Variants in ATP10D observed in about 807,000 individuals in gnomAD.
ATP10D encodes phospholipid-transporting ATPase VD.
ATP10D carries 89 observed loss-of-function variants against 144.8 expected under a neutral mutation model. That is an observed-to-expected ratio of 0.61 (90% CI 0.52 to 0.73). The LOEUF (loss-of-function observed/expected upper bound fraction) is 0.73, where lower values mean the gene tolerates loss of function less well. Ranked by LOEUF, ATP10D falls within the 30% of genes least tolerant of loss-of-function variation. ATP10D has a pLI of 0.00. For synonymous variants in ATP10D, 571 were observed against 615.1 expected, an observed-to-expected ratio of 0.93 and a Z score of 1.06; for missense variants, 1,603 against 1,714.8, an observed-to-expected ratio of 0.93 and a Z score of 1.15.
Position 47,593,382 on chromosome 4 carries a change from T to TA in ATP10D, c.*2002dup, listed in dbSNP as rs1721127806. On this transcript the variant is annotated 3_prime_UTR_variant, in exon 23 of 23. Transcript: ENST00000273859. Reference sequence around the variant, plus strand: ...ACTTTGCTTAATGTAATCATTCATATACTTTGCTACAAAAATATTAATATA... The same window carrying TA: ...ACTTTGCTTAATGTAATCATTCATATAACTTTGCTACAAAAATATTAATATA... 2.0e-5 allele frequency: 3 copies of TA among 152,140 alleles called. No individual in the cohort carries two copies. The highest frequency in any genetic ancestry group is 7.2e-5 in the African/African-American group (3 of 41,448). 9.4% of individuals were successfully genotyped at this position (152,140 alleles called of 1,614,324 possible).
In ATP10D at chr4:47,557,915, C is replaced by G. The variant is rs775609445; in HGVS notation, c.2076C>G (p.Cys692Trp). 1 of 1,614,146 alleles carries G rather than the reference C, an allele frequency of 6.2e-7. No homozygotes were observed. Among genetic ancestry groups the G allele is most frequent in the South Asian group, 1.1e-5 (1 of 91,082 alleles). Residue 692 changes from cysteine to tryptophan, a missense_variant, in exon 12 of 23, where the codon TGC becomes TGG. By Grantham distance (215) the Cys-to-Trp change is radical (BLOSUM62 -2). Transcript: ENST00000273859. ...AGTGCTCCAGTAGCTCAGCTTGCTG[C>G]ACAGAAACAGAGAAACAACACGGTG... ...SPQCSSSSAC[C>W]TETEKQHGDA...
At chr4:47,575,116 C>T (rs997476773) in intron 18 of ATP10D, among the ~76,000 whole-genome samples, 2 of 151,976 alleles carry the variant, frequency 1.3e-5, no homozygotes, top group South Asian at 2.1e-4. Flanking sequence ...TGCATCCGGC[C>T]GATGATGACC....
chr4:47,539,591 T>C (rs1379795405), intron 9 of ATP10D, among the ~76,000 whole-genome samples: 1 of 152,224 alleles, frequency 6.6e-6, no homozygotes, highest in Admixed American at 6.5e-5. Context: ...GATTTTACTT[T>C]TATAACCATT....
chr4:47,519,428 C>T (rs7675962), intron 3 of ATP10D, among the ~76,000 whole-genome samples: 58,931 of 152,070 alleles, frequency 0.39, 11,962 homozygotes, highest in East Asian at 0.81. Context: ...AAGCACAAAC[C>T]ACCAAGGAGA....
chr4:47,505,179 T>C (rs978803242), intron 1 of ATP10D, among the ~76,000 whole-genome samples: 2 of 152,260 alleles, frequency 1.3e-5, no homozygotes, highest in Non-Finnish European at 2.9e-5. Context: ...TTGTATCCGC[T>C]GTCAAGCCAT....
chr4:47,519,557 A>G (rs1380022497), intron 3 of ATP10D, among the ~76,000 whole-genome samples: 1 of 152,212 alleles, frequency 6.6e-6, no homozygotes, highest in Non-Finnish European at 1.5e-5. Context: ...CAACACTGTA[A>G]ATGTTCCAGG....
At chr4:47,501,500 C>T (rs1715678732) in intron 1 of ATP10D, among the ~76,000 whole-genome samples, 1 of 152,172 alleles carries the variant, frequency 6.6e-6, no homozygotes, top group Admixed American at 6.5e-5. Flanking sequence ...TTTAATACCA[C>T]TCTTCTCCTA....
chr4:47,589,637 A>G (rs1033459303), intron 22 of ATP10D, among the ~76,000 whole-genome samples: 1 of 152,124 alleles, frequency 6.6e-6, no homozygotes, highest in Admixed American at 6.6e-5. Flanking sequence ...TTTCCAATAC[A>G]TAGGCACTTA....
intron 15 of ATP10D, among the ~76,000 whole-genome samples, chr4:47,565,079 C>A (rs551474980): frequency 1.1e-3 from 174 of 152,366 alleles, no homozygotes; most frequent in African/African-American, 4.0e-3. Context: ...CTGCCTCAGC[C>A]TCCCGAGTAG....
chr4:47,491,520 T>C, intron 1 of ATP10D: 1 of 546,588 alleles, frequency 1.8e-6, no homozygotes, highest in South Asian at 1.9e-5. Context: ...ATAAATCTTA[T>C]AAATGTCTGT....
Position 47,557,896 on chromosome 4 carries a change from C to T in ATP10D, c.2057C>T (p.Ser686Phe), listed in dbSNP as rs771352321. 23 of 1,614,182 alleles carry T rather than the reference C, an allele frequency of 1.4e-5. No individual in the cohort carries two copies. The Admixed American group carries it at 3.7e-4, about 26-fold the overall frequency. The change falls in exon 12 of 23, where the codon TCC becomes TTC. Residue 686 changes from serine (S) to phenylalanine (F), a missense_variant. Transcript: ENST00000273859. ...VSQVCESPQC[S>F]SSSACCTETE... ...CAGGTGTGTGAGAGCCCCCAGTGCT[C>T]CAGTAGCTCAGCTTGCTGCACAGAA...
intron 5 of ATP10D, among the ~76,000 whole-genome samples, chr4:47,528,505 GTGTGTGTGTA>G (rs1311193500): frequency 1.9e-4 from 5 of 26,126 alleles, no homozygotes; most frequent in African/African-American, 7.1e-4. Context: ...GTGTGTGTGT[GTGTGTGTGTA>G]TATATATATA....
chr4:47,496,095 A>G (rs966661627), intron 1 of ATP10D, among the ~76,000 whole-genome samples: 1 of 151,684 alleles, frequency 6.6e-6, no homozygotes, highest in Admixed American at 6.6e-5. Flanking sequence ...TAACACAATT[A>G]GATATAATGC....
intron 1 of ATP10D, among the ~76,000 whole-genome samples, chr4:47,507,105 A>G (rs1279516867): frequency 6.6e-6 from 1 of 152,218 alleles, no homozygotes; most frequent in African/African-American, 2.4e-5. Context: ...TTAAGAAATT[A>G]AACATAGATG....
At chr4:47,493,774 A>G (rs1389749609) in intron 1 of ATP10D, among the ~76,000 whole-genome samples, 2 of 152,116 alleles carry the variant, frequency 1.3e-5, no homozygotes, top group African/African-American at 2.4e-5. Flanking sequence ...AATCAGAGAA[A>G]CTGGTGTGAT....
At position 47,591,102 on chromosome 4, in the gene ATP10D, C is replaced by A. The variant is rs1351758401; in HGVS notation, c.4002C>A (p.His1334Gln). Residue 1334 changes from histidine (H) to glutamine (Q), a missense_variant, in exon 23 of 23, where the codon CAC (histidine) becomes CAA (glutamine). Coordinates refer to ENST00000273859, the MANE Select transcript of ATP10D (RefSeq NM_020453.4). ...LFPSPILRAKHFDRLTPEERT... is the reference protein window; with the variant it reads ...LFPSPILRAKQFDRLTPEERT... ...CATCTCCAATTCTGAGAGCTAAGCA[C>A]TTTGACAGACTAACTCCAGAGGAGA... 6.2e-7 allele frequency: 1 copy of A among 1,613,008 alleles called. No individual in the cohort carries two copies. Among genetic ancestry groups the A allele is most frequent in the African/African-American group, 1.3e-5 (1 of 74,800 alleles).
chr4:47,565,635 G>T (rs916967348), intron 15 of ATP10D, among the ~76,000 whole-genome samples: 1 of 151,890 alleles, frequency 6.6e-6, no homozygotes, highest in South Asian at 2.1e-4. Flanking sequence ...TGTTTAATGC[G>T]GTGCCTATCA....
chr4:47,573,146 A>G, intron 18 of ATP10D, 149 bp downstream of exon 18: 1 of 1,013,960 alleles, frequency 9.9e-7, no homozygotes, highest in Non-Finnish European at 1.4e-6. Context: ...TCTTTCCAGA[A>G]CTAAGCTGGG....
chr4:47,512,598 A>C lies in ATP10D; in HGVS notation c.58A>C (p.Thr20Pro). 6.2e-7 allele frequency: 1 copy of C among 1,614,144 alleles called. No individual in the cohort carries two copies. Among genetic ancestry groups the C allele is most frequent in the Non-Finnish European group, 8.5e-7 (1 of 1,180,004 alleles). Residue 20 changes from threonine (T) to proline (P), a missense_variant, in exon 2 of 23, where the codon ACC becomes CCC. Thr to Pro is a conservative substitution (Grantham distance 38). Coordinates refer to ENST00000273859, the MANE Select transcript of ATP10D (RefSeq NM_020453.4). ...YHWRRLIRGA[T>P]RDDDSGPYNY... is the part of the protein sequence containing the mutation. ...CTGGCGACGGCTGATCAGAGGTGCA[A>C]CCAGGGATGATGATTCAGGGCCATA...
Sources: allele counts gnomAD v4.1 joint callset (sites outside exome capture counted in the v4.1 genomes callset), GRCh38; gene constraint gnomAD v4.1.1; transcripts MANE v1.5; gene names NCBI Gene and HGNC (gene_info 2026-07-23, HGNC 2026-07-21).